The following IL1RAPL2 variants were observed in gnomAD, a reference collection of about 807,000 sequenced individuals.
IL1RAPL2 encodes the protein X-linked interleukin-1 receptor accessory protein-like 2.
A neutral mutation model predicts 44.1 loss-of-function variants in IL1RAPL2; 3 were observed. The observed-to-expected ratio is 0.07, with a 90% CI of 0.03 to 0.18. The LOEUF (loss-of-function observed/expected upper bound fraction) is 0.18. Among genes scored for constraint, IL1RAPL2 ranks in the 10% least tolerant of loss-of-function variants. The probability of loss-of-function intolerance (pLI) is 1.00; values close to 1 mark genes in which losing one functional copy is unlikely to be tolerated. For synonymous variants in IL1RAPL2, 181 were observed against 178.8 expected, an observed-to-expected ratio of 1.01 and a Z score of -0.10; for missense variants, 391 against 496.4, an observed-to-expected ratio of 0.79 and a Z score of 2.02.
Position 104,647,190 on chromosome X carries a change from G to C in IL1RAPL2, c.-19-11705G>C, listed in dbSNP as rs1449945628. 12 of 324,252 alleles carry C rather than the reference G, an allele frequency of 3.7e-5. No homozygotes were observed. The East Asian group carries it at 3.9e-4, about 11-fold the overall frequency. The allele number at this position is 324,252 out of a possible 1,213,427, so 26.7% of individuals were successfully genotyped here. On this transcript the variant is annotated intron_variant, in intron 1 of 10. Transcript: ENST00000372582. ...TAGTCAGCCTGCAGAGGTGCAGGCA[G>C]GGTGGGCCCCCACTGGGACAGCTGG... is the stretch of plus-strand genomic sequence containing the variant.
At chrX:105,276,833 T>C (rs1021512724) in intron 5 of IL1RAPL2, among the ~76,000 whole-genome samples, 3 of 111,324 alleles carry the variant, frequency 2.7e-5, no homozygotes, top group South Asian at 7.5e-4. Flanking sequence ...TGGAAAAAAA[T>C]TTAAAGAAAG....
At chrX:104,586,655 T>C (rs1419467382) in intron 1 of IL1RAPL2, among the ~76,000 whole-genome samples, 1 of 111,889 alleles carries the variant, frequency 8.9e-6, no homozygotes, top group African/African-American at 3.2e-5. Context: ...CCCACAAGAA[T>C]TTTCTTTGGG....
intron 6 of IL1RAPL2, among the ~76,000 whole-genome samples, chrX:105,630,954 C>T (rs1419275151): frequency 3.6e-5 from 4 of 110,844 alleles, no homozygotes; most frequent in Non-Finnish European, 3.8e-5. Flanking sequence ...CAAGTTCCCT[C>T]GCTGCGATTC....
At chrX:104,941,712 C>A in intron 2 of IL1RAPL2, among the ~76,000 whole-genome samples, 1 of 111,704 alleles carries the variant, frequency 9.0e-6, no homozygotes, top group Admixed American at 9.5e-5. Flanking sequence ...AATTAGATCC[C>A]ATTTGTCAAT....
At chrX:104,638,436 T>A (rs1929869685) in intron 1 of IL1RAPL2, among the ~76,000 whole-genome samples, 1 of 111,611 alleles carries the variant, frequency 9.0e-6, no homozygotes, top group Non-Finnish European at 1.9e-5. Context: ...TCTAGTTACT[T>A]GAGGTGCACT....
At chrX:105,109,225 G>A (rs1231549691) in intron 2 of IL1RAPL2, among the ~76,000 whole-genome samples, 2 of 111,764 alleles carry the variant, frequency 1.8e-5, no homozygotes, top group African/African-American at 6.5e-5. Flanking sequence ...TAAGTTTCAT[G>A]AAGGCCAGAA....
intron 6 of IL1RAPL2, among the ~76,000 whole-genome samples, chrX:105,563,933 G>T (rs780565166): frequency 8.9e-6 from 1 of 111,780 alleles, no homozygotes; most frequent in South Asian, 3.8e-4. Context: ...AGTCTTAGTC[G>T]ATTTGGGCTG....
intron 2 of IL1RAPL2, among the ~76,000 whole-genome samples, chrX:105,067,475 T>C (rs980425867): frequency 1.8e-5 from 2 of 111,519 alleles, no homozygotes; most frequent in African/African-American, 6.5e-5. Flanking sequence ...GCAACAAACT[T>C]ATTTAACAAG....
chrX:105,093,062 T>C (rs1244478282), intron 2 of IL1RAPL2, among the ~76,000 whole-genome samples: 2 of 110,642 alleles, frequency 1.8e-5, no homozygotes, highest in African/African-American at 6.6e-5. Flanking sequence ...GGCCCATACT[T>C]GGAAAAGTGC....
intron 2 of IL1RAPL2, among the ~76,000 whole-genome samples, chrX:104,904,864 T>C (rs1032842658): frequency 1.8e-5 from 2 of 110,879 alleles, no homozygotes; most frequent in East Asian, 2.9e-4. Context: ...TCTAGATCCC[T>C]GAGGAATCGC....
chrX:105,077,309 G>T (rs1482288240), intron 2 of IL1RAPL2, among the ~76,000 whole-genome samples: 1 of 111,417 alleles, frequency 9.0e-6, no homozygotes, highest in African/African-American at 3.3e-5. Flanking sequence ...ATGAAGCTTA[G>T]TTTGGCTGGA....
chrX:105,590,859 T>TTGTG lies in IL1RAPL2; in HGVS notation c.772+106496_772+106499dup, dbSNP rs60004058. On this transcript the variant is annotated intron_variant, in intron 6 of 10. Transcript: ENST00000372582. Reference sequence around the variant, plus strand: ...TGTGTGTGTGTGTGTTTGTGTGTGTTTGTGTGTGTGTGTGTGTGTGTGTGT... The same window carrying TTGTG: ...TGTGTGTGTGTGTGTTTGTGTGTGTTTGTGTGTGTGTGTGTGTGTGTGTGTGTGT... Among the ~76,000 whole-genome samples the TTGTG allele has an allele frequency of 3.0e-3, 268 of 88,597 alleles. 2 individuals carry two copies. Among genetic ancestry groups the TTGTG allele is most frequent in the Middle Eastern group, 0.028 (5 of 178 alleles). 76.9% of individuals were successfully genotyped at this position (88,597 alleles called of 115,157 possible).
At chrX:105,284,935 A>G (rs1335538472) in intron 5 of IL1RAPL2, among the ~76,000 whole-genome samples, 2 of 111,801 alleles carry the variant, frequency 1.8e-5, no homozygotes, top group Admixed American at 1.9e-4. Flanking sequence ...GTCAGGAAGA[A>G]TAATTCATAT....
rs1928037603 is a variant in IL1RAPL2 at position 104,566,656 on chromosome X, G to A, written c.-415G>A. ...TCGCGCAAAAGGAAGAGTCTGGGAG[G>A]CAGGCGACTTAGGAGAGTCTAGTCA... On this transcript the variant is annotated 5_prime_UTR_variant, in exon 1 of 11. Coordinates refer to ENST00000372582, the MANE Select transcript of IL1RAPL2 (RefSeq NM_017416.2). 1 of 113,076 alleles carries A rather than the reference G, an allele frequency of 8.8e-6. No homozygotes were observed. Among genetic ancestry groups the A allele is most frequent in the Non-Finnish European group, 1.9e-5 (1 of 53,412 alleles). The allele number at this position is 113,076 out of a possible 1,213,427, so 9.3% of individuals were successfully genotyped here.
chrX:105,058,887 G>A (rs909251436), intron 2 of IL1RAPL2, among the ~76,000 whole-genome samples: 2 of 111,484 alleles, frequency 1.8e-5, no homozygotes, highest in Non-Finnish European at 3.8e-5. Context: ...TAATCACAAA[G>A]GCAGTTTTTG....
At chrX:105,401,111 T>G (rs759321611) in intron 5 of IL1RAPL2, among the ~76,000 whole-genome samples, 1 of 111,615 alleles carries the variant, frequency 9.0e-6, no homozygotes, top group Non-Finnish European at 1.9e-5. Flanking sequence ...GGCGTTAATC[T>G]CACTCATGAG....
chrX:105,425,161 G>A (rs755177979), intron 5 of IL1RAPL2, among the ~76,000 whole-genome samples: 1 of 111,418 alleles, frequency 9.0e-6, no homozygotes, highest in Non-Finnish European at 1.9e-5. Context: ...ACCGCTCACT[G>A]AGAACAGCAT....
chrX:104,901,957 A>T (rs775163390), intron 2 of IL1RAPL2, among the ~76,000 whole-genome samples: 1 of 112,202 alleles, frequency 8.9e-6, no homozygotes, highest in Non-Finnish European at 1.9e-5. Flanking sequence ...CTCATTCTGT[A>T]ATATAAATAG....
intron 5 of IL1RAPL2, among the ~76,000 whole-genome samples, chrX:105,403,255 G>A (rs1048069112): frequency 9.8e-5 from 11 of 111,728 alleles, no homozygotes; most frequent in Non-Finnish European, 1.7e-4. Context: ...TGGTGAAACA[G>A]GTGGAAGATA....
Sources: gnomAD v4.1 joint callset for allele counts (sites outside exome capture counted in the v4.1 genomes callset) on GRCh38, gnomAD v4.1.1 for gene constraint, MANE v1.5 for transcripts, NCBI Gene and HGNC (gene_info 2026-07-23, HGNC 2026-07-21) for gene names.